The following EFHB variants were observed in gnomAD, a reference collection of about 807,000 sequenced individuals.
EFHB encodes EF-hand domain-containing family member B.
In EFHB, 91 loss-of-function variants were observed where a neutral mutation model predicts 87.2. That is an observed-to-expected ratio of 1.04 (90% CI 0.88 to 1.24). The LOEUF (loss-of-function observed/expected upper bound fraction) is 1.24. Among genes scored for constraint, EFHB ranks in the 50% most tolerant of loss-of-function variants. EFHB has a pLI of 0.00. For missense variants in EFHB, 1,084 were observed against 998.8 expected (o/e 1.09, Z -1.15); for synonymous variants, 325 against 333.6 (o/e 0.97, Z 0.28).
In EFHB at chr3:19,882,691, A is replaced by C. The variant is rs965670312; in HGVS notation, c.2187T>G (p.Ile729Met). 1 of 1,613,764 alleles carries C rather than the reference A, an allele frequency of 6.2e-7. No individual in the cohort carries two copies. The change falls in exon 12 of 13, where the codon ATT (isoleucine) becomes ATG (methionine). Residue 729 changes from isoleucine to methionine, a missense_variant. Physicochemically the swap from Ile to Met is conservative, Grantham distance 10 (BLOSUM62 1). Coordinates refer to ENST00000295824, the MANE Select transcript of EFHB (RefSeq NM_144715.4). ...ICGVPTIRSD[I>M]PAPRIRRISD... ...TGATGCGACGAATTCGGGGAGCAGG[A>C]ATGTCAGATCGAATGGTTGGAACAC...
At chr3:19,929,579 G>C (rs550796205) in intron 1 of EFHB, among the ~76,000 whole-genome samples, 4 of 151,824 alleles carry the variant, frequency 2.6e-5, no homozygotes, top group Non-Finnish European at 4.4e-5. Context: ...TGTGGGGGCA[G>C]GCACCTGTAA....
At chr3:19,939,486 G>A (rs555839184) in intron 1 of EFHB, among the ~76,000 whole-genome samples, 16 of 141,104 alleles carry the variant, frequency 1.1e-4, no homozygotes, top group African/African-American at 3.2e-4. Flanking sequence ...CCGGGTTCAC[G>A]CCATTCTCCC....
chr3:19,883,163 G>A (rs2071724397), intron 11 of EFHB, among the ~76,000 whole-genome samples: 1 of 151,696 alleles, frequency 6.6e-6, no homozygotes, highest in African/African-American at 2.4e-5. Context: ...ATCATGCCCA[G>A]CTAATTTTTG....
chr3:19,904,942 G>A (rs1052144430), intron 6 of EFHB, among the ~76,000 whole-genome samples: 1 of 152,124 alleles, frequency 6.6e-6, no homozygotes, highest in Non-Finnish European at 1.5e-5. Context: ...TGTTGGCTCG[G>A]ATATAAAATA....
intron 5 of EFHB, among the ~76,000 whole-genome samples, chr3:19,908,598 G>GAGAGAGAGAGAGAGAGAGAGAA (rs1694937855): frequency 1.3e-5 from 1 of 77,852 alleles, no homozygotes; most frequent in Non-Finnish European, 2.4e-5. Context: ...GAGAGAGAGA[G>GAGAGAGAGAGAGAGAGAGAGAA]AGAAAGAAAG....
At position 19,933,669 on chromosome 3, in the gene EFHB, A is replaced by G. The variant is rs1347496777; in HGVS notation, c.350T>C (p.Leu117Pro). Reference sequence around the variant, plus strand: ...TATCCGTTCATGGGTATATCCTGCAAGAAGACTCTCATTTTCTAACCCCAT... The same window carrying G: ...TATCCGTTCATGGGTATATCCTGCAGGAAGACTCTCATTTTCTAACCCCAT... ...GRMGLENESL[L>P]AGYTHERIIQ... The change falls in exon 1 of 13, where the codon CTT (leucine) becomes CCT (proline). Residue 117 changes from leucine to proline, a missense_variant. Transcript: ENST00000295824. 6.2e-7 allele frequency: 1 copy of G among 1,614,036 alleles called. No homozygotes were observed. The highest frequency in any genetic ancestry group is 1.7e-5 in the Admixed American group (1 of 60,024).
At chr3:19,896,632 A>T in intron 9 of EFHB, 55 bp downstream of exon 9, 1 of 1,612,526 alleles carries the variant, frequency 6.2e-7, no homozygotes, top group Non-Finnish European at 8.5e-7. Flanking sequence ...TCTACACCAA[A>T]CTGCTGGGAT....
At chr3:19,914,762 C>T (rs1695169268) in intron 5 of EFHB, among the ~76,000 whole-genome samples, 1 of 152,098 alleles carries the variant, frequency 6.6e-6, no homozygotes, top group Admixed American at 6.6e-5. Context: ...ACTTGACCAT[C>T]ACCCAATATT....
rs759365986 is a variant in EFHB, at chr3:19,888,554, T to A, written c.1823A>T (p.Tyr608Phe). 6.9e-6 allele frequency: 11 copies of A among 1,597,320 alleles called. No homozygotes were observed. The highest frequency in any genetic ancestry group is 9.4e-6 in the Non-Finnish European group (11 of 1,170,982). Residue 608 changes from tyrosine to phenylalanine, a missense_variant, in exon 10 of 13, where the codon TAC (tyrosine) becomes TTC (phenylalanine). Transcript: ENST00000295824. ...DDKLLDQLFD[Y>F]CDVDNDGFIN... ...GAAGCCATCATTATCCACATCACAG[T>A]AGTCAAATAGCTGGTCCAGGAGCTT...
At chr3:19,920,633 T>A in intron 1 of EFHB, 66 bp from the exon 2 acceptor site, 1 of 1,361,822 alleles carries the variant, frequency 7.3e-7, no homozygotes, top group East Asian at 2.4e-5. Flanking sequence ...AGAATGAAAT[T>A]TATTTCAAAC....
intron 1 of EFHB, among the ~76,000 whole-genome samples, chr3:19,945,540 A>G (rs977637336): frequency 6.6e-5 from 10 of 152,190 alleles, no homozygotes; most frequent in African/African-American, 2.4e-4. Flanking sequence ...AGTCTGGGTG[A>G]CTGGGAGGAT....
At chr3:19,892,965 T>C (rs1179834664) in intron 9 of EFHB, among the ~76,000 whole-genome samples, 1 of 152,070 alleles carries the variant, frequency 6.6e-6, no homozygotes, top group Non-Finnish European at 1.5e-5. Context: ...TTCTTTTTTT[T>C]TTTTTAGATG....
Position 19,898,828 on chromosome 3 carries a change from T to A in EFHB, c.1520A>T (p.Asn507Ile), listed in dbSNP as rs544248072. 1.4e-5 allele frequency: 23 copies of A among 1,613,834 alleles called. No individual in the cohort carries two copies. The Admixed American group carries it at 2.5e-4, about 18-fold the overall frequency. The change falls in exon 8 of 13, where the codon AAT (asparagine) becomes ATT (isoleucine). Residue 507 changes from asparagine (N) to isoleucine (I), a missense_variant. By Grantham distance (149) the Asn-to-Ile change is moderately radical. Coordinates refer to ENST00000295824, the MANE Select transcript of EFHB (RefSeq NM_144715.4). ...RVLDPIAETM[N>I]VPPDCTFGAC... is the part of the protein sequence containing the mutation. Reference sequence around the variant, plus strand: ...TCCAAATGTGCAGTCTGGGGGAACATTCATTGTTTCTGCAATGCTATCAAA... The same window carrying A: ...TCCAAATGTGCAGTCTGGGGGAACAATCATTGTTTCTGCAATGCTATCAAA...
upstream of EFHB, among the ~76,000 whole-genome samples, chr3:19,934,440 C>CTTCTCT (rs1695959447): frequency 4.2e-5 from 6 of 142,230 alleles, no homozygotes; most frequent in Non-Finnish European, 9.1e-5. Context: ...TTGCCCTCTC[C>CTTCTCT]CTCTCTCTCC....
rs549869874 is a variant in EFHB at position 19,900,564 on chromosome 3, A to G, written c.1419-1049T>C. Among the ~76,000 whole-genome samples, 4 of 152,322 alleles carry G rather than the reference A, an allele frequency of 2.6e-5. No individual in the cohort carries two copies. In the South Asian group the frequency reaches 8.3e-4, roughly 32 times the overall value. On this transcript the variant is annotated intron_variant, in intron 6 of 12. Coordinates refer to ENST00000295824, the MANE Select transcript of EFHB (RefSeq NM_144715.4). The stretch of plus-strand genomic sequence containing the variant: ...TTGGGCAATATGAATCAAAAAGCAT[A>G]AAAACACTCATGCCCTTTTATCCAC...
intron 1 of EFHB, among the ~76,000 whole-genome samples, chr3:19,924,500 C>T (rs1468995049): frequency 6.6e-6 from 1 of 152,200 alleles, no homozygotes; most frequent in Admixed American, 6.5e-5. Context: ...GCATGAGCCA[C>T]TGCGCCAGGC....
upstream of EFHB, among the ~76,000 whole-genome samples, chr3:19,937,020 T>C (rs1696040698): frequency 6.6e-6 from 1 of 151,586 alleles, no homozygotes; most frequent in Non-Finnish European, 1.5e-5. Context: ...AATACAAAAA[T>C]TAACTGGGCA....
upstream of EFHB, chr3:19,936,138 C>A: frequency 6.7e-7 from 1 of 1,486,440 alleles, no homozygotes; most frequent in Non-Finnish European, 9.0e-7. Flanking sequence ...CATAGTCACT[C>A]ACCTGTAATC....
chr3:19,910,597 T>C (rs1315691833), intron 5 of EFHB, among the ~76,000 whole-genome samples: 1 of 152,104 alleles, frequency 6.6e-6, no homozygotes. Context: ...CCCAGGACCT[T>C]GAGTGAACGT....
Sources: allele counts gnomAD v4.1 joint callset (sites outside exome capture counted in the v4.1 genomes callset), GRCh38; gene constraint gnomAD v4.1.1; transcripts MANE v1.5; gene names NCBI Gene and HGNC (gene_info 2026-07-23, HGNC 2026-07-21).